RAMP1: variants seen among roughly 807,000 people sequenced by gnomAD.
RAMP1 encodes receptor activity-modifying protein 1.
Under a neutral mutation model 8.2 loss-of-function variants are expected in RAMP1, and 7 were observed. The ratio of observed to expected loss-of-function variants is 0.85; its 90% CI spans 0.49 to 1.60. The LOEUF is 1.60. Among genes scored for constraint, RAMP1 ranks in the 40% most tolerant of loss-of-function variants. The pLI is 0.00. For missense variants in RAMP1, 192 were observed against 202.4 expected (o/e 0.95, Z 0.31); for synonymous variants, 92 against 84.7 (o/e 1.09, Z -0.47).
At chr2:237,866,286 G>C (rs527803345) in intron 1 of RAMP1, among the ~76,000 whole-genome samples, 1 of 151,990 alleles carries the variant, frequency 6.6e-6, no homozygotes, top group Admixed American at 6.5e-5. Context: ...GCTGGTCATC[G>C]CTGGGCTAAG....
In RAMP1 at chr2:237,862,858, G is replaced by A. The variant is rs1028910633; in HGVS notation, c.52+3131G>A. On this transcript the variant is annotated intron_variant, in intron 1 of 2. Transcript: ENST00000254661. The surrounding 1 kb of genome is among the most constrained non-coding windows in gnomAD (Gnocchi z 4.0). The stretch of plus-strand genomic sequence containing the variant: ...AGTCAGTGTTCTGCTGGAACCACGG[G>A]GAAAAGCTGCGTCTTTCCTCCAGGC... 1.3e-5 allele frequency among the ~76,000 whole-genome samples: 2 copies of A among 152,180 alleles called. No individual in the cohort carries two copies. Among genetic ancestry groups the A allele is most frequent in the Non-Finnish European group, 2.9e-5 (2 of 68,032 alleles).
At chr2:237,910,324 CACAT>C (rs1251050178) in intron 2 of RAMP1, among the ~76,000 whole-genome samples, 5 of 150,902 alleles carry the variant, frequency 3.3e-5, no homozygotes, top group Admixed American at 1.3e-4. Flanking sequence ...CACAGGGACA[CACAT>C]ACAGAGAATA....
At chr2:237,911,380 G>C in intron 2 of RAMP1, 148 bp from the exon 3 acceptor site, 1 of 1,179,778 alleles carries the variant, frequency 8.5e-7, no homozygotes. Flanking sequence ...CTGCCCTCCT[G>C]GATCCAGGGC....
At chr2:237,901,535 C>A (rs565085607) in intron 2 of RAMP1, among the ~76,000 whole-genome samples, 1 of 152,224 alleles carries the variant, frequency 6.6e-6, no homozygotes. Context: ...TTAAAAGGAA[C>A]AGCATGTGCA....
At chr2:237,868,589 A>G (rs1481566242) in intron 1 of RAMP1, among the ~76,000 whole-genome samples, 1 of 112,560 alleles carries the variant, frequency 8.9e-6, no homozygotes, top group African/African-American at 5.6e-5. Context: ...AAAAAAAAAA[A>G]CAAAAAAAAA....
chr2:237,891,739 T>A (rs1186943133), intron 2 of RAMP1, among the ~76,000 whole-genome samples: 1 of 152,242 alleles, frequency 6.6e-6, no homozygotes, highest in Non-Finnish European at 1.5e-5. Flanking sequence ...CAACCATTAA[T>A]GTTACCTTGT....
chr2:237,866,136 G>A (rs2062184912), intron 1 of RAMP1, among the ~76,000 whole-genome samples: 1 of 152,110 alleles, frequency 6.6e-6, no homozygotes, highest in Non-Finnish European at 1.5e-5. Flanking sequence ...ACAGCAGTCT[G>A]TTCCTCCACC....
At chr2:237,859,600 C>T (rs2150999519), upstream of RAMP1, 2 of 1,117,864 alleles carry the variant, frequency 1.8e-6, no homozygotes, top group African/African-American at 1.6e-5. Flanking sequence ...GCGTCTCCTC[C>T]GGGCCCGCGC....
rs2062143563 is a variant in RAMP1 at position 237,862,665 on chromosome 2, C to T, written c.52+2938C>T. Reference sequence around the variant, plus strand: ...ATGCTGAGCCCAGAGAGTGAAGCCCCTCGGGCTTGCCTGCCAGTGCCCCTG... The same window carrying T: ...ATGCTGAGCCCAGAGAGTGAAGCCCTTCGGGCTTGCCTGCCAGTGCCCCTG... On this transcript the variant is annotated intron_variant, in intron 1 of 2. Coordinates refer to ENST00000254661, the MANE Select transcript of RAMP1 (RefSeq NM_005855.4). This position sits in a 1 kb window ranked among gnomAD's most constrained non-coding sequence, Gnocchi z 4.0. Among the ~76,000 whole-genome samples the T allele has an allele frequency of 6.6e-6, 1 of 152,188 alleles. No individual in the cohort carries two copies.
At chr2:237,899,993 G>A (rs1037025904) in intron 2 of RAMP1, among the ~76,000 whole-genome samples, 1 of 152,124 alleles carries the variant, frequency 6.6e-6, no homozygotes, top group Non-Finnish European at 1.5e-5. Flanking sequence ...AATAACATTT[G>A]CCATTTTTCT....
chr2:237,875,747 T>C (rs1366970050), intron 1 of RAMP1, among the ~76,000 whole-genome samples: 1 of 152,196 alleles, frequency 6.6e-6, no homozygotes, highest in African/African-American at 2.4e-5. Context: ...AGCTGTGGGC[T>C]GGGCCAGTGC....
chr2:237,895,282 G>A (rs944435888), intron 2 of RAMP1, among the ~76,000 whole-genome samples: 2 of 151,818 alleles, frequency 1.3e-5, no homozygotes, highest in African/African-American at 4.8e-5. Flanking sequence ...GGGGTCCTGT[G>A]GGGGGGTCAT....
At chr2:237,903,862 T>G (rs776926181) in intron 2 of RAMP1, among the ~76,000 whole-genome samples, 7 of 152,064 alleles carry the variant, frequency 4.6e-5, no homozygotes, top group Non-Finnish European at 1.0e-4. Flanking sequence ...GCCCGGCTAA[T>G]TTTTTGTATT....
At chr2:237,864,324 G>C (rs1257280972) in intron 1 of RAMP1, among the ~76,000 whole-genome samples, 1 of 140,392 alleles carries the variant, frequency 7.1e-6, no homozygotes, top group Non-Finnish European at 1.5e-5. Flanking sequence ...GCGCGTGTTT[G>C]CTTCGTAAGG....
chr2:237,909,242 C>A (rs1196440749), intron 2 of RAMP1, among the ~76,000 whole-genome samples: 1 of 152,166 alleles, frequency 6.6e-6, no homozygotes, highest in African/African-American at 2.4e-5. Context: ...TGCAGTCACA[C>A]CCTGGCCCTC....
chr2:237,894,925 TCTC>T (rs2062523952), intron 2 of RAMP1, among the ~76,000 whole-genome samples: 1 of 152,104 alleles, frequency 6.6e-6, no homozygotes, highest in Non-Finnish European at 1.5e-5. Flanking sequence ...TGGTTGTGGT[TCTC>T]CTTCGACAAG....
intron 1 of RAMP1, among the ~76,000 whole-genome samples, chr2:237,866,609 G>T (rs910043602): frequency 6.6e-6 from 1 of 152,116 alleles, no homozygotes; most frequent in Non-Finnish European, 1.5e-5. Context: ...AAATTCGAGT[G>T]TAGCTCTTGA....
chr2:237,906,717 C>CT (rs71402734), intron 2 of RAMP1, among the ~76,000 whole-genome samples: 59,289 of 86,244 alleles, frequency 0.69, 21,030 homozygotes, highest in Admixed American at 0.72. Flanking sequence ...ATATCAACCT[C>CT]TTTTTTTTTT....
chr2:237,872,049 T>C (rs1411278561), intron 1 of RAMP1, among the ~76,000 whole-genome samples: 2 of 152,238 alleles, frequency 1.3e-5, no homozygotes, highest in Non-Finnish European at 2.9e-5. Flanking sequence ...GAGAATAGTT[T>C]ACTACAGTCA....
Sources: gnomAD v4.1 joint callset for allele counts (sites outside exome capture counted in the v4.1 genomes callset) on GRCh38, gnomAD v4.1.1 for gene constraint, Gnocchi (gnomAD v3.1) non-coding constraint, MANE v1.5 for transcripts, NCBI Gene and HGNC (gene_info 2026-07-23, HGNC 2026-07-21) for gene names.